SENP6: variants seen among roughly 807,000 people sequenced by gnomAD.
The protein encoded by SENP6 is SUMO specific peptidase 6.
A neutral mutation model predicts 134.5 loss-of-function variants in SENP6; 41 were observed. The observed-to-expected ratio is 0.30, with a 90% CI of 0.24 to 0.40. SENP6 has a LOEUF of 0.40. SENP6 is among the 10% of genes least tolerant of loss of function. The pLI is 1.00. For synonymous variants in SENP6, 395 were observed against 429.8 expected (o/e 0.92, Z 1.00); for missense variants, 1,248 against 1,312.5 (o/e 0.95, Z 0.76).
chr6:75,655,824 C>G (rs1165194726), intron 7 of SENP6, among the ~76,000 whole-genome samples: 3 of 151,970 alleles, frequency 2.0e-5, no homozygotes, highest in Non-Finnish European at 1.5e-5. Context: ...TAAATGTCTT[C>G]TATTTATATC....
rs118056549 is a variant in SENP6, at chr6:75,672,824, G to T, written c.1392+2104G>T. ...ATATAATTGGCATTATTATTTTTAT[G>T]TATTTATTTATTTTTTGTTTTGAGA... On this transcript the variant is annotated intron_variant, in intron 11 of 23. Transcript: ENST00000447266. Among the ~76,000 whole-genome samples the T allele has an allele frequency of 0.011, 1,622 of 151,894 alleles. 60 individuals are homozygous for T. In the East Asian group the frequency reaches 0.14, roughly 13 times the overall value.
intron 17 of SENP6, 115 bp downstream of exon 17, chr6:75,696,038 AAATTCTCC>A: frequency 1.1e-6 from 1 of 938,680 alleles, no homozygotes; most frequent in African/African-American, 1.7e-5. Context: ...CTTACTTTTT[AAATTCTCC>A]AGCCAGGAAG....
chr6:75,664,152 A>G (rs900999390), intron 9 of SENP6, among the ~76,000 whole-genome samples: 6 of 152,116 alleles, frequency 3.9e-5, no homozygotes, highest in Admixed American at 1.3e-4. Context: ...TCTAAAAAAT[A>G]GAAATTGGGC....
chr6:75,647,548 G>A (rs113270054), intron 6 of SENP6, 183 bp from the exon 7 acceptor site: 1 of 372,796 alleles, frequency 2.7e-6, no homozygotes. Flanking sequence ...AAAAAATACA[G>A]TAAAATTTTA....
intron 11 of SENP6, among the ~76,000 whole-genome samples, chr6:75,674,553 G>A (rs1010909713): frequency 6.6e-6 from 1 of 151,958 alleles, no homozygotes; most frequent in Non-Finnish European, 1.5e-5. Context: ...AAACTCTTGG[G>A]CTCAAGCCAT....
chr6:75,677,662 G>T (rs967752789), intron 14 of SENP6: 7 of 156,390 alleles, frequency 4.5e-5, no homozygotes, highest in African/African-American at 9.6e-5. Context: ...GGCATATATG[G>T]TTGAAAACTT....
chr6:75,702,744 T>G lies in SENP6; in HGVS notation c.2388T>G (p.Cys796Trp). The G allele has an allele frequency of 6.2e-7, 1 of 1,614,094 alleles. No homozygotes were observed. Among genetic ancestry groups the G allele is most frequent in the Non-Finnish European group, 8.5e-7 (1 of 1,179,966 alleles). ...HYHENAVIQK[C>W]STVEDSCISS... ...ATGAAAATGCTGTCATACAGAAATGTTCAACTGTAGAGGACAGTTGTATTT... is the reference window on the plus strand; with the variant it reads ...ATGAAAATGCTGTCATACAGAAATGGTCAACTGTAGAGGACAGTTGTATTT... The change falls in exon 19 of 24, where the codon TGT (cysteine) becomes TGG (tryptophan). Residue 796 changes from cysteine to tryptophan, a missense_variant. By Grantham distance (215) the Cys-to-Trp change is radical. This residue lies in a region of SENP6 where 386 missense variants were observed against 395.0 expected (regional missense o/e 0.98). Coordinates refer to ENST00000447266, the MANE Select transcript of SENP6 (RefSeq NM_015571.4).
In SENP6 at chr6:75,640,273, A is replaced by G. The variant is rs569500596; in HGVS notation, c.459-411A>G. Among the ~76,000 whole-genome samples, 162 of 152,286 alleles carry G rather than the reference A, an allele frequency of 1.1e-3. 3 individuals are homozygous for G. Among genetic ancestry groups the G allele is most frequent in the Non-Finnish European group, 9.8e-4 (67 of 68,026 alleles). On this transcript the variant is annotated intron_variant, in intron 5 of 23. Transcript: ENST00000447266. Reference sequence around the variant, plus strand: ...GCAATGTAATCAGAAAGTGTGGTTGACACCCATTTTATTTATGAAATGTTT... The same window carrying G: ...GCAATGTAATCAGAAAGTGTGGTTGGCACCCATTTTATTTATGAAATGTTT...
chr6:75,632,676 G>C (rs186396977), intron 3 of SENP6, among the ~76,000 whole-genome samples: 1 of 151,466 alleles, frequency 6.6e-6, no homozygotes, highest in African/African-American at 2.4e-5. Flanking sequence ...TGCTGTGCTT[G>C]CATTACCTGG....
intron 7 of SENP6, 91 bp from the exon 8 acceptor site, chr6:75,659,171 T>C (rs1771580858): frequency 1.1e-6 from 1 of 885,480 alleles, no homozygotes; most frequent in South Asian, 1.8e-5. Context: ...ATATAATTAT[T>C]GGTTTAGTCT....
intron 21 of SENP6, among the ~76,000 whole-genome samples, chr6:75,712,643 A>T (rs1468504023): frequency 6.6e-6 from 1 of 152,184 alleles, no homozygotes; most frequent in Non-Finnish European, 1.5e-5. Context: ...AACTTTACAG[A>T]ATTAAAATAC....
At chr6:75,690,941 C>T (rs1164910136) in intron 16 of SENP6, among the ~76,000 whole-genome samples, 1 of 151,286 alleles carries the variant, frequency 6.6e-6, no homozygotes, top group African/African-American at 2.4e-5. Context: ...CAAGTGATCC[C>T]CCCTGCCCCC....
intron 10 of SENP6, among the ~76,000 whole-genome samples, chr6:75,669,037 TA>T (rs1772466016): frequency 6.6e-6 from 1 of 152,186 alleles, no homozygotes; most frequent in South Asian, 2.1e-4. Context: ...TAAACCTCTC[TA>T]ACAGGTTTCT....
At chr6:75,640,083 T>G (rs1769908998) in intron 5 of SENP6, among the ~76,000 whole-genome samples, 1 of 152,164 alleles carries the variant, frequency 6.6e-6, no homozygotes, top group African/African-American at 2.4e-5. Flanking sequence ...GTGAGGGAAG[T>G]ACATACTATT....
intron 17 of SENP6, among the ~76,000 whole-genome samples, chr6:75,697,144 A>G (rs2149895754): frequency 6.6e-6 from 1 of 152,270 alleles, no homozygotes; most frequent in African/African-American, 2.4e-5. Flanking sequence ...CTGCAGTAAT[A>G]AAAATAGTAA....
intron 3 of SENP6, among the ~76,000 whole-genome samples, chr6:75,629,648 G>C (rs929423685): frequency 6.6e-6 from 1 of 152,202 alleles, no homozygotes; most frequent in Non-Finnish European, 1.5e-5. Flanking sequence ...TACCATGCTT[G>C]ATAATCCTTC....
At chr6:75,704,961 C>A (rs1432337870) in intron 19 of SENP6, among the ~76,000 whole-genome samples, 1 of 152,172 alleles carries the variant, frequency 6.6e-6, no homozygotes, top group African/African-American at 2.4e-5. Context: ...GAGGTTAGGG[C>A]AAAGTGGTTG....
At chr6:75,619,647 C>T (rs1768114515) in intron 1 of SENP6, among the ~76,000 whole-genome samples, 1 of 152,094 alleles carries the variant, frequency 6.6e-6, no homozygotes, top group African/African-American at 2.4e-5. Context: ...AAATTGCTAG[C>T]TCGTAGGGTA....
At chr6:75,615,395 G>A (rs1221266572) in intron 1 of SENP6, among the ~76,000 whole-genome samples, 1 of 151,962 alleles carries the variant, frequency 6.6e-6, no homozygotes, top group African/African-American at 2.4e-5. Context: ...GGCCAGGCTA[G>A]TCTCAAACTC....
Sources: allele counts gnomAD v4.1 joint callset (sites outside exome capture counted in the v4.1 genomes callset), GRCh38; gene constraint gnomAD v4.1.1; regional missense constraint gnomAD v4.1.1; transcripts MANE v1.5; gene names NCBI Gene and HGNC (gene_info 2026-07-23, HGNC 2026-07-21).